LRP6: variants seen among roughly 807,000 people sequenced by gnomAD.
LRP6 encodes LDL receptor related protein 6, also known as low-density lipoprotein receptor-related protein 6.
Under a neutral mutation model 184.1 loss-of-function variants are expected in LRP6, and 43 were observed. The observed-to-expected ratio is 0.23, with a 90% CI of 0.18 to 0.30. The LOEUF (loss-of-function observed/expected upper bound fraction) is 0.30. Ranked by LOEUF, LRP6 falls within the 10% of genes least tolerant of loss-of-function variation. LRP6 has a pLI of 1.00. For missense variants in LRP6, 1,571 were observed against 2,005.3 expected (o/e 0.78, Z 4.14); for synonymous variants, 719 against 684.9 (o/e 1.05, Z -0.78).
chr12:12,266,553 A>G, intron 1 of LRP6, 128 bp downstream of exon 1: 1 of 439,916 alleles, frequency 2.3e-6, no homozygotes, highest in Non-Finnish European at 3.7e-6. Flanking sequence ...CCCCCTCCCC[A>G]CGACCAGGCC....
At chr12:12,246,715 ATCT>A (rs1865195786) in intron 1 of LRP6, among the ~76,000 whole-genome samples, 1 of 152,078 alleles carries the variant, frequency 6.6e-6, no homozygotes, top group Admixed American at 6.5e-5. Flanking sequence ...TATCTACATG[ATCT>A]TCTTTCATAA....
At chr12:12,266,057 T>C (rs939399766) in intron 1 of LRP6, among the ~76,000 whole-genome samples, 1 of 152,158 alleles carries the variant, frequency 6.6e-6, no homozygotes, top group African/African-American at 2.4e-5. Flanking sequence ...GGGCAATGTT[T>C]TATTTTATTA....
rs767077840 is a variant in LRP6 at position 12,121,405 on chromosome 12, G to A, written c.4563C>T (p.Ser1521=). 3.2e-5 allele frequency: 51 copies of A among 1,613,912 alleles called. No individual in the cohort carries two copies. The South Asian group carries it at 5.1e-4, about 16-fold the overall frequency. Residue 1521 remains serine (S), a synonymous_variant, in exon 23 of 23, where the codon AGC becomes AGT. Transcript: ENST00000261349. The part of the protein sequence containing the change: ...THRSYSYRPY[S]YRHFAPPTTP... ...TGGTGGGGGGTGCAAAGTGCCGGTA[G>A]CTATATGGCCTGTAGCTGGTATAGG...
Position 12,138,875 on chromosome 12 carries a change from C to T in LRP6, c.3398-341G>A, listed in dbSNP as rs184256497. Reference sequence around the variant, plus strand: ...TCTCTGGAGGAGCAGTGGTGGTGGACCCAGAGTTCTGAGTATACCTGAGGC... The same window carrying T: ...TCTCTGGAGGAGCAGTGGTGGTGGATCCAGAGTTCTGAGTATACCTGAGGC... On this transcript the variant is annotated intron_variant, in intron 15 of 22. Transcript: ENST00000261349. The T allele has an allele frequency of 1.0e-5, 14 of 1,375,220 alleles. No individual in the cohort carries two copies. The Admixed American group carries it at 1.7e-4, about 17-fold the overall frequency. The allele number at this position is 1,375,220 out of a possible 1,614,324, so 85.2% of individuals were successfully genotyped here. A position where few individuals can be genotyped will look rare whatever the true frequency, so the allele number is the denominator to read the frequency against.
intron 15 of LRP6, among the ~76,000 whole-genome samples, chr12:12,145,135 A>G (rs1219884762): frequency 6.6e-6 from 1 of 152,150 alleles, no homozygotes; most frequent in Non-Finnish European, 1.5e-5. Context: ...TGGAAAAAAC[A>G]ATTATTCAAA....
intron 2 of LRP6, among the ~76,000 whole-genome samples, chr12:12,215,327 A>C (rs867910704): frequency 4.6e-5 from 7 of 152,336 alleles, no homozygotes; most frequent in Middle Eastern, 3.4e-3. Flanking sequence ...AACTGTGCAG[A>C]AATAATGAAA....
chr12:12,184,772 G>C (rs144203019), intron 4 of LRP6, among the ~76,000 whole-genome samples: 1 of 152,030 alleles, frequency 6.6e-6, no homozygotes, highest in Non-Finnish European at 1.5e-5. Context: ...GCCTTGGGAA[G>C]ATTAACATAG....
At chr12:12,162,547 T>A in intron 9 of LRP6, 128 bp from the exon 10 acceptor site, 2 of 749,644 alleles carry the variant, frequency 2.7e-6, no homozygotes, top group Non-Finnish European at 4.7e-6. Flanking sequence ...TATTTCCTAT[T>A]AAAATTCACA....
At chr12:12,150,699 C>G in intron 13 of LRP6, 137 bp downstream of exon 13, 1 of 859,964 alleles carries the variant, frequency 1.2e-6, no homozygotes, top group Non-Finnish European at 2.0e-6. Flanking sequence ...AAAAAATAAG[C>G]TACTAGGTCC....
intron 17 of LRP6, among the ~76,000 whole-genome samples, chr12:12,134,551 T>C (rs980905174): frequency 1.6e-4 from 24 of 152,214 alleles, no homozygotes; most frequent in African/African-American, 5.5e-4. Flanking sequence ...AGTATCACTA[T>C]ACTCAGTGAT....
intron 4 of LRP6, among the ~76,000 whole-genome samples, chr12:12,186,056 C>G (rs1334697872): frequency 6.6e-6 from 1 of 152,022 alleles, no homozygotes; most frequent in Non-Finnish European, 1.5e-5. Flanking sequence ...CCATGTTGGC[C>G]AGGCTGGTCT....
chr12:12,164,955 A>AAAAAAAAAAAAAGG, intron 8 of LRP6, 124 bp downstream of exon 8: 1 of 528,568 alleles, frequency 1.9e-6, no homozygotes, highest in South Asian at 2.3e-5. Flanking sequence ...AAAAAAAAAA[A>AAAAAAAAAAAAAGG]GGCGGGGGGG....
At chr12:12,182,750 C>G (rs908227245) in intron 5 of LRP6, among the ~76,000 whole-genome samples, 1 of 152,134 alleles carries the variant, frequency 6.6e-6, no homozygotes, top group African/African-American at 2.4e-5. Context: ...AATTCACTGC[C>G]CCGGCTAACA....
chr12:12,220,953 G>A (rs1045602349), intron 2 of LRP6, among the ~76,000 whole-genome samples: 8 of 152,132 alleles, frequency 5.3e-5, no homozygotes, highest in African/African-American at 1.9e-4. Context: ...TTAAAGTTCA[G>A]ATAAAGTAAC....
intron 12 of LRP6, among the ~76,000 whole-genome samples, chr12:12,157,051 G>C (rs1862601661): frequency 6.6e-6 from 1 of 152,198 alleles, no homozygotes; most frequent in African/African-American, 2.4e-5. Flanking sequence ...GTGTGAGACA[G>C]CCTAAACACC....
intron 2 of LRP6, among the ~76,000 whole-genome samples, chr12:12,234,699 C>T (rs541630585): frequency 4.0e-5 from 6 of 151,390 alleles, no homozygotes; most frequent in South Asian, 2.1e-4. Context: ...GGTGTGGTGG[C>T]GCACATCTGT....
chr12:12,250,051 T>A (rs1286319549), intron 1 of LRP6, among the ~76,000 whole-genome samples: 1 of 152,308 alleles, frequency 6.6e-6, no homozygotes, highest in Non-Finnish European at 1.5e-5. Flanking sequence ...AAAACCACTA[T>A]CCTACTCTAG....
At chr12:12,257,539 C>G (rs2135940078) in intron 1 of LRP6, among the ~76,000 whole-genome samples, 1 of 146,728 alleles carries the variant, frequency 6.8e-6, no homozygotes, top group Non-Finnish European at 1.5e-5. Flanking sequence ...CGAGATCACG[C>G]CACTGCACTC....
chr12:12,264,140 CT>C (rs994688036), intron 1 of LRP6, among the ~76,000 whole-genome samples: 7 of 150,530 alleles, frequency 4.7e-5, no homozygotes, highest in Non-Finnish European at 8.8e-5. Flanking sequence ...GACTTTGTCT[CT>C]TTAAAAAAAA....
Sources: gnomAD v4.1 joint callset for allele counts (sites outside exome capture counted in the v4.1 genomes callset) on GRCh38, gnomAD v4.1.1 for gene constraint, MANE v1.5 for transcripts, NCBI Gene and HGNC (gene_info 2026-07-23, HGNC 2026-07-21) for gene names.